PXDN: variants seen among roughly 807,000 people sequenced by gnomAD.
PXDN encodes peroxidasin.
In PXDN, 77 loss-of-function variants were observed where a neutral mutation model predicts 140.3. The observed-to-expected ratio is 0.55, with a 90% CI of 0.46 to 0.66. The LOEUF is 0.66. Among genes scored for constraint, PXDN ranks in the 30% least tolerant of loss-of-function variants. PXDN has a pLI of 0.00. For synonymous variants in PXDN, 911 were observed against 857.4 expected (o/e 1.06, Z -1.09); for missense variants, 1,838 against 2,039.5 (o/e 0.90, Z 1.90).
At chr2:1,716,400 T>C (rs956424498) in intron 1 of PXDN, among the ~76,000 whole-genome samples, 5 of 126,754 alleles carry the variant, frequency 3.9e-5, no homozygotes, top group African/African-American at 1.5e-4. Context: ...ACCATGCCAC[T>C]GCACTCCAGC....
chr2:1,659,124 C>A (rs926883360), intron 14 of PXDN, among the ~76,000 whole-genome samples: 1 of 152,178 alleles, frequency 6.6e-6, no homozygotes, highest in African/African-American at 2.4e-5. Flanking sequence ...TGGGCCAACC[C>A]GAGGGCCCTT....
chr2:1,650,882 G>C (rs1283674271), intron 16 of PXDN, among the ~76,000 whole-genome samples: 1 of 151,976 alleles, frequency 6.6e-6, no homozygotes, highest in Non-Finnish European at 1.5e-5. Flanking sequence ...TATCACTATG[G>C]ACACCTTTAA....
chr2:1,683,258 C>T (rs1270517550), intron 6 of PXDN, among the ~76,000 whole-genome samples: 1 of 150,228 alleles, frequency 6.7e-6, no homozygotes, highest in Non-Finnish European at 1.5e-5. Flanking sequence ...AAAAAACCCA[C>T]AAAATTACAA....
In PXDN at chr2:1,666,284, G is replaced by T; in HGVS notation, c.1221C>A (p.Ser407Arg). The T allele has an allele frequency of 1.2e-6, 2 of 1,614,042 alleles. No individual in the cohort carries two copies. Among genetic ancestry groups the T allele is most frequent in the African/African-American group, 1.3e-5 (1 of 75,062 alleles). ...TGGTCGCAGAGCACGCATACTCTCC[G>T]CTGTCCCCCTGTACGACGTTCTGTA... ...LYIQNVVQGDSGEYACSATNN... is the reference protein window; with the variant it reads ...LYIQNVVQGDRGEYACSATNN... The change falls in exon 10 of 23, where the codon AGC becomes AGA. Residue 407 changes from serine to arginine, a missense_variant. Transcript: ENST00000252804.
chr2:1,736,701 G>A (rs1373750060), intron 1 of PXDN, among the ~76,000 whole-genome samples: 1 of 152,090 alleles, frequency 6.6e-6, no homozygotes, highest in African/African-American at 2.4e-5. Flanking sequence ...ATCCAGGCAT[G>A]GGGGCACGTG....
chr2:1,721,499 A>G (rs529388318), intron 1 of PXDN, among the ~76,000 whole-genome samples: 184 of 152,360 alleles, frequency 1.2e-3, no homozygotes, highest in Non-Finnish European at 2.0e-3. Context: ...AACTGACTCC[A>G]GGCTCTAGTG....
intron 6 of PXDN, among the ~76,000 whole-genome samples, chr2:1,680,954 A>G (rs1363690718): frequency 1.3e-5 from 2 of 152,330 alleles, no homozygotes; most frequent in East Asian, 3.9e-4. Context: ...TGTCCCAACA[A>G]GGGGAACACG....
At chr2:1,699,795 G>A (rs1019649373) in intron 1 of PXDN, among the ~76,000 whole-genome samples, 8 of 152,246 alleles carry the variant, frequency 5.3e-5, no homozygotes, top group African/African-American at 1.7e-4. Context: ...TATATCGTTC[G>A]GTTCGAGAAC....
At chr2:1,699,569 G>A (rs1428584174) in intron 1 of PXDN, among the ~76,000 whole-genome samples, 1 of 152,100 alleles carries the variant, frequency 6.6e-6, no homozygotes, top group East Asian at 1.9e-4. Context: ...AATTAGCTGG[G>A]CGTGGTGGTG....
At position 1,685,438 on chromosome 2, in the gene PXDN, G is replaced by A. The variant is rs546510795; in HGVS notation, c.417-1287C>T. 5.9e-5 allele frequency among the ~76,000 whole-genome samples: 9 copies of A among 152,276 alleles called. No homozygotes were observed. Among genetic ancestry groups the A allele is most frequent in the African/African-American group, 1.7e-4 (7 of 41,578 alleles). Reference sequence around the variant, plus strand: ...CTGCCAGGCAGTGTGCTGACAGGGCGCCTGTGGTTTTCTGGGGTCCTTGGC... The same window carrying A: ...CTGCCAGGCAGTGTGCTGACAGGGCACCTGTGGTTTTCTGGGGTCCTTGGC... On this transcript the variant is annotated intron_variant, in intron 4 of 22. Transcript: ENST00000252804. This position sits in a 1 kb window ranked among gnomAD's most constrained non-coding sequence, Gnocchi z 5.1.
At position 1,741,785 on chromosome 2, in the gene PXDN, T is replaced by C. The variant is rs957731742; in HGVS notation, c.200+2471A>G. ...CCCAATTTCTACCAAAAAATTGTAA[T>C]AGAAAATAATCACATATACATGAGA... is the stretch of plus-strand genomic sequence containing the variant. On this transcript the variant is annotated intron_variant, in intron 1 of 22. Coordinates refer to ENST00000252804, the MANE Select transcript of PXDN (RefSeq NM_012293.3). 2.0e-5 allele frequency among the ~76,000 whole-genome samples: 3 copies of C among 152,194 alleles called. No individual in the cohort carries two copies. The East Asian group carries it at 5.8e-4, about 29-fold the overall frequency.
intron 9 of PXDN, 67 bp downstream of exon 9, chr2:1,673,576 G>A: frequency 6.5e-7 from 1 of 1,529,094 alleles, no homozygotes; most frequent in South Asian, 1.2e-5. Context: ...TGCAAGGAAA[G>A]GAGAAGGCAG....
intron 1 of PXDN, among the ~76,000 whole-genome samples, chr2:1,695,008 C>G (rs1282052067): frequency 6.6e-6 from 1 of 152,252 alleles, no homozygotes; most frequent in Non-Finnish European, 1.5e-5. Flanking sequence ...AAAATCAACT[C>G]TGACCACATC....
chr2:1,680,048 GTC>G (rs1265304111), intron 7 of PXDN, 143 bp downstream of exon 7: 1 of 1,042,600 alleles, frequency 9.6e-7, no homozygotes, highest in East Asian at 2.6e-5. Context: ...TGTGGTTTGT[GTC>G]TGCGCGTGTG....
chr2:1,698,757 G>A (rs1684353842), intron 1 of PXDN, among the ~76,000 whole-genome samples: 1 of 152,136 alleles, frequency 6.6e-6, no homozygotes, highest in Admixed American at 6.6e-5. Context: ...TGTTAGAGCA[G>A]AGCCGCTGCC....
chr2:1,743,610 AG>A (rs1372284292), intron 1 of PXDN, among the ~76,000 whole-genome samples: 1 of 52,552 alleles, frequency 1.9e-5, no homozygotes. Flanking sequence ...GGGGCGGGGG[AG>A]GGGGAGAGGG....
At chr2:1,670,981 C>A (rs1388271289) in intron 9 of PXDN, among the ~76,000 whole-genome samples, 6 of 152,070 alleles carry the variant, frequency 3.9e-5, no homozygotes, top group Non-Finnish European at 7.4e-5. Flanking sequence ...GAAGGTGATC[C>A]CCGACAGAAG....
At chr2:1,709,593 C>A (rs887263383) in intron 1 of PXDN, among the ~76,000 whole-genome samples, 3 of 152,148 alleles carry the variant, frequency 2.0e-5, no homozygotes, top group African/African-American at 7.2e-5. Context: ...GAACAAGATG[C>A]GCTCCTGACT....
chr2:1,634,351 G>C, intron 22 of PXDN, 28 bp from the exon 23 acceptor site: 1 of 1,552,056 alleles, frequency 6.4e-7, no homozygotes, highest in South Asian at 1.2e-5. Context: ...AGCACAGCCT[G>C]TCAGCTCTGG....
Sources: gnomAD v4.1 joint callset for allele counts (sites outside exome capture counted in the v4.1 genomes callset) on GRCh38, gnomAD v4.1.1 for gene constraint, Gnocchi (gnomAD v3.1) non-coding constraint, MANE v1.5 for transcripts, NCBI Gene and HGNC (gene_info 2026-07-23, HGNC 2026-07-21) for gene names.